The following SYNE1 variants were observed in gnomAD, a reference collection of about 807,000 sequenced individuals.
The protein encoded by SYNE1 is spectrin repeat containing nuclear envelope protein 1.
In SYNE1, 616 loss-of-function variants were observed where a neutral mutation model predicts 1,111.0. The observed-to-expected ratio is 0.55, with a 90% confidence interval of 0.52 to 0.59. The LOEUF is 0.59. Among genes scored for constraint, SYNE1 ranks in the 20% least tolerant of loss-of-function variants. The pLI, the probability that SYNE1 is intolerant of heterozygous loss-of-function variation, is 0.00. For missense variants in SYNE1, 10,006 were observed against 10,417.0 expected, an observed-to-expected ratio of 0.96 and a Z score of 1.72; for synonymous variants, 3,855 against 3,825.8, an observed-to-expected ratio of 1.01 and a Z score of -0.28.
chr6:152,151,317 A>G (rs1354949199), intron 135 of SYNE1, among the ~76,000 whole-genome samples: 2 of 152,176 alleles, frequency 1.3e-5, no homozygotes, highest in Non-Finnish European at 2.9e-5. Context: ...AAATATCAAC[A>G]ACAATATCGA....
intron 3 of SYNE1, among the ~76,000 whole-genome samples, chr6:152,581,349 T>G (rs952532732): frequency 3.3e-5 from 5 of 152,178 alleles, no homozygotes; most frequent in African/African-American, 1.2e-4. Flanking sequence ...GACCTCCCAG[T>G]TACCCAGAGA....
chr6:152,388,938 CT>C (rs756934275), intron 53 of SYNE1, among the ~76,000 whole-genome samples: 11 of 152,306 alleles, frequency 7.2e-5, no homozygotes, highest in Non-Finnish European at 1.5e-4. Context: ...CTCCAGCAGT[CT>C]ATGATATAGA....
At chr6:152,587,329 A>G (rs2099543329) in intron 3 of SYNE1, among the ~76,000 whole-genome samples, 1 of 152,204 alleles carries the variant, frequency 6.6e-6, no homozygotes, top group South Asian at 2.1e-4. Context: ...CTCCTACACC[A>G]TTATTCCAAG....
At chr6:152,406,270 C>T (rs1490963362) in intron 45 of SYNE1, among the ~76,000 whole-genome samples, 1 of 152,082 alleles carries the variant, frequency 6.6e-6, no homozygotes, top group African/African-American at 2.4e-5. Flanking sequence ...AACCCCACTA[C>T]CTGGCATAAT....
intron 63 of SYNE1, among the ~76,000 whole-genome samples, chr6:152,364,618 CA>C (rs2097019376): frequency 7.0e-6 from 1 of 143,572 alleles, no homozygotes; most frequent in Non-Finnish European, 1.5e-5. Flanking sequence ...AAAGAGGAAT[CA>C]AGAGAAAACA....
intron 104 of SYNE1, among the ~76,000 whole-genome samples, chr6:152,249,706 T>C (rs543596575): frequency 6.6e-6 from 1 of 152,294 alleles, no homozygotes; most frequent in Admixed American, 6.5e-5. Flanking sequence ...CCTCCCTCCA[T>C]CAGTTTCTTC....
intron 56 of SYNE1, among the ~76,000 whole-genome samples, chr6:152,377,640 AATAT>A (rs1369932106): frequency 0.017 from 575 of 33,810 alleles, 8 homozygotes; most frequent in African/African-American, 0.021. Context: ...AAAAAAAAAA[AATAT>A]ATATATATAT....
intron 44 of SYNE1, among the ~76,000 whole-genome samples, 200 bp downstream of exon 44, chr6:152,408,868 C>T (rs2097952039): frequency 6.6e-6 from 1 of 151,794 alleles, no homozygotes; most frequent in Non-Finnish European, 1.5e-5. Flanking sequence ...GCAGGAGAAT[C>T]GCTTGAAGCC....
chr6:152,261,755 C>T lies in SYNE1; in HGVS notation c.18972+277G>A, dbSNP rs138829791. 2.6e-3 allele frequency among the ~76,000 whole-genome samples: 393 copies of T among 152,178 alleles called. 1 individual carries two copies. Among genetic ancestry groups the T allele is most frequent in the African/African-American group, 8.8e-3 (365 of 41,508 alleles). On this transcript the variant is annotated intron_variant, in intron 101 of 145. Coordinates refer to ENST00000367255, the MANE Select transcript of SYNE1 (RefSeq NM_182961.4). ...GCAAAACACACACAAAAAGAGGGCACTTAAAATGTAATGGTTTAGGCTAAT... is the reference window on the plus strand; with the variant it reads ...GCAAAACACACACAAAAAGAGGGCATTTAAAATGTAATGGTTTAGGCTAAT...
In SYNE1 at chr6:152,269,421, T is replaced by TG. The variant is rs2093016643; in HGVS notation, c.18574-136_18574-135insC. On this transcript the variant is annotated intron_variant, in intron 98 of 145. Coordinates refer to ENST00000367255, the MANE Select transcript of SYNE1 (RefSeq NM_182961.4). ...CACTGGGATGTGAAACCACATTTTT[T>TG]AAAAAAAACAGTAACACAAAACCCA... The TG allele has an allele frequency of 7.4e-6, 9 of 1,214,390 alleles. 1 individual carries two copies. In the South Asian group the frequency reaches 1.1e-4, roughly 15 times the overall value. 75.2% of individuals were successfully genotyped at this position (1,214,390 alleles called of 1,614,324 possible).
At chr6:152,632,994 G>A (rs893308934) in intron 2 of SYNE1, among the ~76,000 whole-genome samples, 39 of 152,234 alleles carry the variant, frequency 2.6e-4, no homozygotes, top group Admixed American at 5.2e-4. Flanking sequence ...CTAAAACAAC[G>A]ACTGGTGCAA....
chr6:152,430,352 A>G (rs1465707694), intron 35 of SYNE1, 130 bp downstream of exon 35: 4 of 1,140,096 alleles, frequency 3.5e-6, no homozygotes, highest in Non-Finnish European at 3.9e-6. Flanking sequence ...AAACATCTAA[A>G]ATCAACATGT....
At position 152,398,601 on chromosome 6, in the gene SYNE1, G is replaced by T. The variant is rs2097769969; in HGVS notation, c.7350+18C>A. 30 of 1,604,272 alleles carry T rather than the reference G, an allele frequency of 1.9e-5. No individual in the cohort carries two copies. Among genetic ancestry groups the T allele is most frequent in the Non-Finnish European group, 2.5e-5 (29 of 1,171,130 alleles). ...AGTACATTTTGGGGAAGAAGGAAAAGGATGTCAGCTTCTATACCTGAAGAT... is the reference window on the plus strand; with the variant it reads ...AGTACATTTTGGGGAAGAAGGAAAATGATGTCAGCTTCTATACCTGAAGAT... On this transcript the variant is annotated intron_variant, in intron 49 of 145. Transcript: ENST00000367255.
Position 152,350,220 on chromosome 6 carries a change from AG to A in SYNE1, c.11848del (p.Leu3950SerfsTer20). 6.2e-7 allele frequency: 1 copy of A among 1,613,992 alleles called. No individual in the cohort carries two copies. The highest frequency in any genetic ancestry group is 8.5e-7 in the Non-Finnish European group (1 of 1,180,036). On this transcript the variant is annotated frameshift_variant, in exon 72 of 146. Transcript: ENST00000367255. LOFTEE classifies it high-confidence loss of function. ...TGTCTCCAGGCTGCTTGTCTCCAGG[AG>A]GTCAGGTGCCACCAGTCTGCCAGAC... is the stretch of plus-strand genomic sequence containing the variant. ...QMSGRLVAPD[L>X]LETSSLETIT...
intron 3 of SYNE1, among the ~76,000 whole-genome samples, chr6:152,572,990 T>C (rs1399482993): frequency 1.3e-5 from 2 of 152,164 alleles, no homozygotes; most frequent in African/African-American, 4.8e-5. Flanking sequence ...TGGGAATGTC[T>C]ATTTGACATT....
chr6:152,460,023 A>C (rs2098721920), intron 21 of SYNE1, among the ~76,000 whole-genome samples: 1 of 152,232 alleles, frequency 6.6e-6, no homozygotes, highest in African/African-American at 2.4e-5. Context: ...GAGTCTACTA[A>C]TGTGTATACA....
Position 152,301,895 on chromosome 6 carries a change from G to T in SYNE1, c.17515C>A (p.Pro5839Thr). The T allele has an allele frequency of 6.2e-7, 1 of 1,613,826 alleles. No individual in the cohort carries two copies. Among genetic ancestry groups the T allele is most frequent in the Non-Finnish European group, 8.5e-7 (1 of 1,179,782 alleles). ...ATGACCACAGAGGGGTGGGCCGAAGGCGTGGGGAGGAGCTCCCCATCCAGG... is the reference window on the plus strand; with the variant it reads ...ATGACCACAGAGGGGTGGGCCGAAGTCGTGGGGAGGAGCTCCCCATCCAGG... Reference protein sequence around the residue: ...EDLDGELLPTPSAHPSVVMMT... With the variant: ...EDLDGELLPTTSAHPSVVMMT... Residue 5839 changes from proline to threonine, a missense_variant, in exon 92 of 146, where the codon CCT (proline) becomes ACT (threonine). Coordinates refer to ENST00000367255, the MANE Select transcript of SYNE1 (RefSeq NM_182961.4).
intron 77 of SYNE1, among the ~76,000 whole-genome samples, chr6:152,333,190 G>C (rs1308974561): frequency 6.6e-6 from 1 of 152,138 alleles, no homozygotes; most frequent in African/African-American, 2.4e-5. Context: ...TAATGATCCA[G>C]TATGTGTGTG....
intron 3 of SYNE1, among the ~76,000 whole-genome samples, chr6:152,561,709 A>G (rs1353729235): frequency 6.6e-6 from 1 of 152,192 alleles, no homozygotes; most frequent in Admixed American, 6.5e-5. Flanking sequence ...ACTGGCATAA[A>G]AAAACAATAC....
Sources: allele counts gnomAD v4.1 joint callset (sites outside exome capture counted in the v4.1 genomes callset), GRCh38; gene constraint gnomAD v4.1.1; transcripts MANE v1.5; gene names NCBI Gene and HGNC (gene_info 2026-07-23, HGNC 2026-07-21).